The following C9orf43 variants were observed in gnomAD, a reference collection of about 807,000 sequenced individuals.
The protein encoded by C9orf43 is chromosome 9 open reading frame 43.
C9orf43 carries 45 observed loss-of-function variants against 59.1 expected under a neutral mutation model. That is an observed-to-expected ratio of 0.76 (90% confidence interval 0.60 to 0.98). The LOEUF (loss-of-function observed/expected upper bound fraction) is 0.98, where lower values mean the gene tolerates loss of function less well. C9orf43 is among the 50% of genes least tolerant of loss of function. The pLI is 0.00. For synonymous variants in C9orf43, 203 were observed against 196.8 expected, an observed-to-expected ratio of 1.03 and a Z score of -0.26; for missense variants, 533 against 554.9, an observed-to-expected ratio of 0.96 and a Z score of 0.40.
Position 113,421,135 on chromosome 9 carries a change from T to G in C9orf43, c.378T>G (p.Leu126=). The change falls in exon 5 of 14, where the codon CTT becomes CTG. Residue 126 remains leucine (L), a synonymous_variant. Coordinates refer to ENST00000374165, the MANE Select transcript of C9orf43 (RefSeq NM_001278629.2). ...FPVLNLNETQ[L]PCPEDVRNMV... ...TGTTGAATTTGAATGAGACGCAACT[T>G]CCCTGCCCTGAAGATGTTAGAAATA... 1 of 1,613,810 alleles carries G rather than the reference T, an allele frequency of 6.2e-7. No individual in the cohort carries two copies. The highest frequency in any genetic ancestry group is 1.1e-5 in the South Asian group (1 of 91,064).
chr9:113,424,447 G>C (rs1828705609), intron 8 of C9orf43, 131 bp downstream of exon 8: 1 of 943,078 alleles, frequency 1.1e-6, no homozygotes, highest in Non-Finnish European at 1.6e-6. Flanking sequence ...ATGCCCCAGA[G>C]AAGGCTGGGC....
At chr9:113,416,885 C>T (rs189377319) in intron 3 of C9orf43, among the ~76,000 whole-genome samples, 1 of 152,260 alleles carries the variant, frequency 6.6e-6, no homozygotes, top group African/African-American at 2.4e-5. Context: ...CAAAATTGCC[C>T]CCTTGTTGAG....
intron 3 of C9orf43, among the ~76,000 whole-genome samples, chr9:113,416,509 A>C (rs1306659700): frequency 6.6e-6 from 1 of 151,954 alleles, no homozygotes; most frequent in African/African-American, 2.4e-5. Context: ...CTGGCCTGTA[A>C]GGCCCTACGA....
chr9:113,419,162 C>A lies in C9orf43; in HGVS notation c.342C>A (p.Pro114=). The change falls in exon 4 of 14, where the codon CCC becomes CCA. Residue 114 remains proline, a synonymous_variant. Transcript: ENST00000374165. ...TGATCAACTGTACTAACAGACTTCCCAAAGTAAGTCATAGATTTTAAAAGT... is the reference window on the plus strand; with the variant it reads ...TGATCAACTGTACTAACAGACTTCCAAAAGTAAGTCATAGATTTTAAAAGT... ...KSLINCTNRL[P]KFPVLNLNET... 1 of 1,603,804 alleles carries A rather than the reference C, an allele frequency of 6.2e-7. No homozygotes were observed. The highest frequency in any genetic ancestry group is 1.1e-5 in the South Asian group (1 of 88,638).
intron 1 of C9orf43, among the ~76,000 whole-genome samples, chr9:113,412,902 G>A (rs180684832): frequency 6.6e-6 from 1 of 152,292 alleles, no homozygotes; most frequent in Admixed American, 6.5e-5. Context: ...ATTGCTGGTG[G>A]GTATTTTATC....
intron 3 of C9orf43, among the ~76,000 whole-genome samples, chr9:113,414,227 C>G (rs753042976): frequency 6.6e-6 from 1 of 152,098 alleles, no homozygotes; most frequent in Non-Finnish European, 1.5e-5. Context: ...GCTTTTGAGA[C>G]CACTCTTGGT....
intron 8 of C9orf43, among the ~76,000 whole-genome samples, 165 bp downstream of exon 8, chr9:113,424,481 A>G (rs1271083699): frequency 6.6e-6 from 1 of 150,770 alleles, no homozygotes; most frequent in Non-Finnish European, 1.5e-5. Flanking sequence ...AAGCCAGTCG[A>G]TGGGGAAGTG....
At position 113,419,230 on chromosome 9, in the gene C9orf43, C is replaced by T. The variant is rs902876947; in HGVS notation, c.345+65C>T. The T allele has an allele frequency of 3.2e-6, 4 of 1,248,898 alleles. No individual in the cohort carries two copies. In the Admixed American group the frequency reaches 5.8e-5, roughly 18 times the overall value. The allele number at this position is 1,248,898 out of a possible 1,614,324, so 77.4% of individuals were successfully genotyped here. A position where few individuals can be genotyped will look rare whatever the true frequency, so the allele number is the denominator to read the frequency against. Reference sequence around the variant, plus strand: ...TCTTTACTAGTGGAAATAAACTATTCTGCCTTTATTTGAAATTATTCCTCA... The same window carrying T: ...TCTTTACTAGTGGAAATAAACTATTTTGCCTTTATTTGAAATTATTCCTCA... On this transcript the variant is annotated intron_variant, in intron 4 of 13. Coordinates refer to ENST00000374165, the MANE Select transcript of C9orf43 (RefSeq NM_001278629.2).
chr9:113,428,992 T>C, intron 13 of C9orf43, 29 bp downstream of exon 13: 2 of 1,592,156 alleles, frequency 1.3e-6, no homozygotes, highest in Non-Finnish European at 1.7e-6. Context: ...GGAACCTTAG[T>C]AAGTGACTGA....
At chr9:113,420,545 G>A (rs536872613) in intron 4 of C9orf43, among the ~76,000 whole-genome samples, 8 of 152,224 alleles carry the variant, frequency 5.3e-5, no homozygotes, top group Admixed American at 3.3e-4. Context: ...TAGTTTTTTC[G>A]TGTGTGTATC....
At chr9:113,427,512 C>T (rs1472246526) in intron 11 of C9orf43, among the ~76,000 whole-genome samples, 4 of 152,208 alleles carry the variant, frequency 2.6e-5, no homozygotes, top group Non-Finnish European at 5.9e-5. Flanking sequence ...CAGACTGTGT[C>T]CCAGCTATTA....
chr9:113,423,858 G>A (rs898315088), intron 7 of C9orf43, among the ~76,000 whole-genome samples: 9 of 152,120 alleles, frequency 5.9e-5, no homozygotes, highest in African/African-American at 2.2e-4. Flanking sequence ...AACTTAACTG[G>A]CTATATGAAT....
chr9:113,426,325 C>T lies in C9orf43; in HGVS notation c.1030+595C>T, dbSNP rs536524338. Among the ~76,000 whole-genome samples, 109 of 152,212 alleles carry T rather than the reference C, an allele frequency of 7.2e-4. 1 individual carries two copies. The highest frequency in any genetic ancestry group is 2.4e-3 in the African/African-American group (98 of 41,548). ...AATGGACATCTCCCCTTTTTGGAGT[C>T]GTTATTATGTCTGAGCTCAGGCATA... On this transcript the variant is annotated intron_variant, in intron 11 of 13. Coordinates refer to ENST00000374165, the MANE Select transcript of C9orf43 (RefSeq NM_001278629.2).
At position 113,423,130 on chromosome 9, in the gene C9orf43, C is replaced by T. The variant is rs112804644; in HGVS notation, c.484-196C>T. Among the ~76,000 whole-genome samples, 7 of 152,226 alleles carry T rather than the reference C, an allele frequency of 4.6e-5. No homozygotes were observed. In the East Asian group the frequency reaches 5.8e-4, roughly 13 times the overall value. ...CTTTCTGGAAAATGAAACAAAACAACGAATCCCTGTATGATCTGAATACAA... is the reference window on the plus strand; with the variant it reads ...CTTTCTGGAAAATGAAACAAAACAATGAATCCCTGTATGATCTGAATACAA... On this transcript the variant is annotated intron_variant, in intron 6 of 13. Coordinates refer to ENST00000374165, the MANE Select transcript of C9orf43 (RefSeq NM_001278629.2).
Position 113,425,365 on chromosome 9 carries a change from G to GGCAGCAGCA in C9orf43, c.900_908dup (p.Gln302_Gln304dup). ...CCAGGTTACAGGAAACAGCAGCAGC[G>GGCAGCAGCA]GCAGCAGCAGCAGCAGCAGCAACAG... On this transcript the variant is annotated inframe_insertion, in exon 10 of 14. Coordinates refer to ENST00000374165, the MANE Select transcript of C9orf43 (RefSeq NM_001278629.2). 1 of 1,612,518 alleles carries GGCAGCAGCA rather than the reference G, an allele frequency of 6.2e-7. No individual in the cohort carries two copies. The highest frequency in any genetic ancestry group is 8.5e-7 in the Non-Finnish European group (1 of 1,179,238).
chr9:113,425,410 T>C lies in C9orf43; in HGVS notation c.932T>C (p.Ile311Thr). The C allele has an allele frequency of 6.2e-7, 1 of 1,613,740 alleles. No individual in the cohort carries two copies. The highest frequency in any genetic ancestry group is 8.5e-7 in the Non-Finnish European group (1 of 1,179,836). Residue 311 changes from isoleucine to threonine, a missense_variant, in exon 10 of 14, where the codon ATT becomes ACT. By Grantham distance (89) the Ile-to-Thr change is moderately conservative. Transcript: ENST00000374165. ...CAACAGAAGAAGGTGAAAACACCTATTAAGAAACAGGTAGAGTGGCAGTGA... is the reference window on the plus strand; with the variant it reads ...CAACAGAAGAAGGTGAAAACACCTACTAAGAAACAGGTAGAGTGGCAGTGA... ...QQQQKKVKTPIKKQEAKKKAK... is the reference protein window; with the variant it reads ...QQQQKKVKTPTKKQEAKKKAK...
intron 11 of C9orf43, among the ~76,000 whole-genome samples, chr9:113,426,594 G>T (rs1828800592): frequency 6.6e-6 from 1 of 152,162 alleles, no homozygotes; most frequent in African/African-American, 2.4e-5. Context: ...TCACTTAGTT[G>T]TCTGATGCCA....
At chr9:113,427,320 C>T (rs1390512440) in intron 11 of C9orf43, among the ~76,000 whole-genome samples, 1 of 152,144 alleles carries the variant, frequency 6.6e-6, no homozygotes. Flanking sequence ...GGATTATAGG[C>T]ATGCACCACC....
Position 113,423,420 on chromosome 9 carries a change from A to G in C9orf43, c.578A>G (p.Gln193Arg). The G allele has an allele frequency of 6.2e-7, 1 of 1,614,084 alleles. No homozygotes were observed. The highest frequency in any genetic ancestry group is 8.5e-7 in the Non-Finnish European group (1 of 1,179,976). Residue 193 changes from glutamine to arginine, a missense_variant, in exon 7 of 14, where the codon CAA becomes CGA. By Grantham distance (43) the Gln-to-Arg change is conservative. Transcript: ENST00000374165. ...GMIVPPPTPVQLSEQFSSDFL... is the reference protein window; with the variant it reads ...GMIVPPPTPVRLSEQFSSDFL... ...ATCGTGCCTCCCCCAACCCCAGTGC[A>G]ATTGTCTGAACAATTCAGTTCAGAT...
Sources: allele counts gnomAD v4.1 joint callset (sites outside exome capture counted in the v4.1 genomes callset), GRCh38; gene constraint gnomAD v4.1.1; transcripts MANE v1.5; gene names NCBI Gene and HGNC (gene_info 2026-07-23, HGNC 2026-07-21).